The following NAV3 variants were observed in gnomAD, a reference collection of about 807,000 sequenced individuals.
The protein encoded by NAV3 is pore membrane and/or filament interacting like protein 1.
NAV3 carries 87 observed loss-of-function variants against 244.7 expected under a neutral mutation model. The observed-to-expected ratio is 0.36, with a 90% CI of 0.30 to 0.42. The LOEUF is 0.42. Ranked by LOEUF, NAV3 falls within the 20% of genes least tolerant of loss-of-function variation. The pLI is 1.00. For missense variants in NAV3, 2,663 were observed against 2,893.3 expected (o/e 0.92, Z 1.83); for synonymous variants, 1,126 against 1,042.2 (o/e 1.08, Z -1.55).
intron 9 of NAV3, among the ~76,000 whole-genome samples, chr12:78,033,238 CT>C (rs57030481): frequency 1.1e-4 from 17 of 148,614 alleles, no homozygotes; most frequent in South Asian, 4.2e-4. Context: ...TGAAATTGCC[CT>C]TTTTTTTTTG....
At chr12:78,179,494 C>A in intron 28 of NAV3, 35 bp from the exon 29 acceptor site, 1 of 1,611,952 alleles carries the variant, frequency 6.2e-7, no homozygotes, top group South Asian at 1.1e-5. Context: ...CTCTGGCTTC[C>A]CCAGGCCACT....
At chr12:78,203,140 C>T (rs1440791865) in intron 38 of NAV3, among the ~76,000 whole-genome samples, 3 of 151,968 alleles carry the variant, frequency 2.0e-5, no homozygotes, top group Non-Finnish European at 1.5e-5. Flanking sequence ...TCATCTCATT[C>T]TGAATATTTA....
At chr12:78,165,450 C>T (rs548897316) in intron 23 of NAV3, among the ~76,000 whole-genome samples, 1 of 151,832 alleles carries the variant, frequency 6.6e-6, no homozygotes, top group Admixed American at 6.6e-5. Context: ...TGAGGATTCT[C>T]AAAACTTGAG....
At chr12:78,196,009 A>T (rs1959170152) in intron 34 of NAV3, among the ~76,000 whole-genome samples, 1 of 152,032 alleles carries the variant, frequency 6.6e-6, no homozygotes, top group African/African-American at 2.4e-5. Context: ...CTATTTTTGT[A>T]TACCCAGGGC....
intron 2 of NAV3, among the ~76,000 whole-genome samples, chr12:77,624,351 T>C (rs988934233): frequency 1.3e-5 from 2 of 151,936 alleles, no homozygotes; most frequent in East Asian, 3.9e-4. Context: ...GGTGGAGAGG[T>C]AGCCCAAGTG....
chr12:77,690,858 C>T (rs1231421564), intron 2 of NAV3, among the ~76,000 whole-genome samples: 1 of 29,142 alleles, frequency 3.4e-5, no homozygotes, highest in Non-Finnish European at 8.2e-5. Context: ...AAAAGGAGCA[C>T]TTATTCAGTG....
chr12:77,961,106 A>G (rs11107556), intron 3 of NAV3, among the ~76,000 whole-genome samples: 2,183 of 145,214 alleles, frequency 0.015, 28 homozygotes, highest in Non-Finnish European at 0.025. Context: ...GTATACGCAT[A>G]TATGTAATAT....
chr12:77,886,063 C>T (rs1592896970), intron 1 of NAV3, among the ~76,000 whole-genome samples: 1 of 152,216 alleles, frequency 6.6e-6, no homozygotes, highest in East Asian at 1.9e-4. Context: ...TCTCTAAAGG[C>T]ACCTTGTTGG....
intron 1 of NAV3, among the ~76,000 whole-genome samples, chr12:77,854,233 A>C (rs1026812561): frequency 5.3e-5 from 8 of 152,214 alleles, no homozygotes; most frequent in African/African-American, 7.2e-5. Context: ...TTCATCAGCA[A>C]TATGGCTCCA....
rs1398594447 is a variant in NAV3 at position 78,122,150 on chromosome 12, A to G, written c.3960A>G (p.Thr1320=). ...PLFNKPSDLT[T]DVISLSHSLA... Reference sequence around the variant, plus strand: ...TCAATAAACCCTCAGACTTAACTACAGATGTTATAAGCTTAAGTCACTCGT... The same window carrying G: ...TCAATAAACCCTCAGACTTAACTACGGATGTTATAAGCTTAAGTCACTCGT... Residue 1320 remains threonine, a synonymous_variant, in exon 16 of 40, where the codon ACA becomes ACG. Coordinates refer to ENST00000397909, the MANE Select transcript of NAV3 (RefSeq NM_001024383.2). 1 of 1,614,150 alleles carries G rather than the reference A, an allele frequency of 6.2e-7. No individual in the cohort carries two copies. The highest frequency in any genetic ancestry group is 2.2e-5 in the East Asian group (1 of 44,850).
chr12:77,653,936 C>T (rs900994863), intron 2 of NAV3, among the ~76,000 whole-genome samples: 3 of 145,780 alleles, frequency 2.1e-5, no homozygotes, highest in Admixed American at 1.4e-4. Context: ...CATGCAGATA[C>T]CCCCTGAAGT....
In NAV3 at chr12:77,694,453, A is replaced by G. The variant is rs546208455; in HGVS notation, c.72+122187A>G. ...ACACCACTGCACTCCAGCCTGGGCTACAGAGCAAACTCCATCTCAATTAAA... is the reference window on the plus strand; with the variant it reads ...ACACCACTGCACTCCAGCCTGGGCTGCAGAGCAAACTCCATCTCAATTAAA... On this transcript the variant is annotated intron_variant, in intron 2 of 8. Coordinates refer to the NAV3 transcript ENST00000550042. 2.1e-4 allele frequency among the ~76,000 whole-genome samples: 32 copies of G among 151,876 alleles called. No homozygotes were observed. The South Asian group carries it at 6.2e-3, about 30-fold the overall frequency.
chr12:77,960,897 T>C (rs910472638), intron 3 of NAV3, among the ~76,000 whole-genome samples: 2 of 146,514 alleles, frequency 1.4e-5, no homozygotes, highest in Admixed American at 1.4e-4. Context: ...AATATGAACA[T>C]ATCATATATT....
chr12:77,658,732 A>G (rs1246870168), intron 2 of NAV3, among the ~76,000 whole-genome samples: 2 of 151,996 alleles, frequency 1.3e-5, no homozygotes, highest in African/African-American at 4.8e-5. Flanking sequence ...CAGTAACCAA[A>G]ACAGCATGGT....
At chr12:77,881,749 A>G (rs1403344542) in intron 1 of NAV3, among the ~76,000 whole-genome samples, 1 of 152,168 alleles carries the variant, frequency 6.6e-6, no homozygotes, top group Non-Finnish European at 1.5e-5. Flanking sequence ...AAGTCAATGT[A>G]CAAAAATCAG....
chr12:78,093,030 A>G (rs895191686), intron 12 of NAV3, among the ~76,000 whole-genome samples: 1 of 152,180 alleles, frequency 6.6e-6, no homozygotes, highest in African/African-American at 2.4e-5. Flanking sequence ...CATTTGGTCA[A>G]ATCCTGGTGT....
At chr12:78,050,155 C>G in intron 10 of NAV3, 54 bp downstream of exon 10, 1 of 1,244,416 alleles carries the variant, frequency 8.0e-7, no homozygotes, top group Non-Finnish European at 1.2e-6. Flanking sequence ...TAATTACAAA[C>G]AAACATTTAA....
intron 2 of NAV3, among the ~76,000 whole-genome samples, chr12:77,596,131 A>T (rs1157454472): frequency 6.6e-6 from 1 of 152,188 alleles, no homozygotes; most frequent in Non-Finnish European, 1.5e-5. Flanking sequence ...ATCTGGGTCC[A>T]TATCACAGCT....
At chr12:77,979,913 C>T (rs1362858196) in intron 5 of NAV3, among the ~76,000 whole-genome samples, 1 of 152,024 alleles carries the variant, frequency 6.6e-6, no homozygotes. Context: ...AAGGCTTTAA[C>T]TGGGTGCTGC....
Sources: allele counts gnomAD v4.1 joint callset (sites outside exome capture counted in the v4.1 genomes callset), GRCh38; gene constraint gnomAD v4.1.1; transcripts MANE v1.5; gene names NCBI Gene and HGNC (gene_info 2026-07-23, HGNC 2026-07-21).